Variants in SPMIP2 observed in about 807,000 individuals in gnomAD.
SPMIP2 encodes the protein protein SPMIP2.
chr4:159,060,061 A>T, the SPMIP2 span, among the ~76,000 whole-genome samples: 3 of 152,198 alleles, frequency 2.0e-5, no homozygotes, highest in Non-Finnish European at 4.4e-5. Context: ...CTCCTGGCAT[A>T]CCTGACTGTT....
the SPMIP2 span, among the ~76,000 whole-genome samples, chr4:158,944,901 C>T: frequency 6.6e-6 from 1 of 152,176 alleles, no homozygotes; most frequent in Non-Finnish European, 1.5e-5. Flanking sequence ...ATGCCCTGCT[C>T]ACATCTATCT....
At chr4:158,936,673 C>T in the SPMIP2 span, among the ~76,000 whole-genome samples, 2 of 152,248 alleles carry the variant, frequency 1.3e-5, no homozygotes, top group Non-Finnish European at 2.9e-5. Flanking sequence ...GGAAGATTCA[C>T]AGGAAAACAA....
chr4:158,893,653 G>C, the SPMIP2 span: 1 of 1,529,604 alleles, frequency 6.5e-7, no homozygotes, highest in Non-Finnish European at 9.0e-7. Context: ...TTATACAGTA[G>C]TAGGCAGTTT....
the SPMIP2 span, among the ~76,000 whole-genome samples, chr4:158,999,148 G>T: frequency 0.31 from 45,167 of 147,370 alleles, 7,181 homozygotes; most frequent in South Asian, 0.44. Flanking sequence ...CTCTAGCTGG[G>T]AGACAGAGTG....
chr4:158,948,595 T>C, the SPMIP2 span, among the ~76,000 whole-genome samples: 1 of 151,926 alleles, frequency 6.6e-6, no homozygotes, highest in Non-Finnish European at 1.5e-5. Context: ...TGGTTTGTTT[T>C]TTTTTTTTTT....
At chr4:159,081,024 CTT>C in the SPMIP2 span, among the ~76,000 whole-genome samples, 3 of 145,040 alleles carry the variant, frequency 2.1e-5, no homozygotes, top group African/African-American at 7.6e-5. Flanking sequence ...TGCCCGGACT[CTT>C]TGTTTCTTTC....
the SPMIP2 span, among the ~76,000 whole-genome samples, chr4:158,941,935 T>C: frequency 6.6e-6 from 1 of 151,952 alleles, no homozygotes; most frequent in African/African-American, 2.4e-5. Flanking sequence ...TTGGAGGAGG[T>C]GATACTTGAA....
the SPMIP2 span, among the ~76,000 whole-genome samples, chr4:158,985,355 C>T: frequency 6.9e-6 from 1 of 145,772 alleles, no homozygotes; most frequent in Non-Finnish European, 1.5e-5. Context: ...GACCAATATC[C>T]TTGATGAACA....
chr4:158,904,351 G>T, the SPMIP2 span: 3 of 901,386 alleles, frequency 3.3e-6, no homozygotes, highest in African/African-American at 1.7e-5. Context: ...AGTTTTAAAT[G>T]ATAATCTATC....
the SPMIP2 span, among the ~76,000 whole-genome samples, chr4:158,936,193 A>T: frequency 6.6e-6 from 1 of 152,228 alleles, no homozygotes; most frequent in Non-Finnish European, 1.5e-5. Flanking sequence ...TAATTCTAAT[A>T]AGTGGCAAAA....
the SPMIP2 span, among the ~76,000 whole-genome samples, chr4:158,964,627 A>G: frequency 6.6e-6 from 1 of 152,190 alleles, no homozygotes; most frequent in Non-Finnish European, 1.5e-5. Context: ...TTGACTGGCT[A>G]TTTTAGCTTA....
chr4:158,976,894 T>C, the SPMIP2 span, among the ~76,000 whole-genome samples: 2 of 151,982 alleles, frequency 1.3e-5, no homozygotes, highest in Non-Finnish European at 1.5e-5. Context: ...TCTCTTGACC[T>C]TGTGATCCAC....
chr4:159,028,848 A>G, the SPMIP2 span, among the ~76,000 whole-genome samples: 5 of 152,286 alleles, frequency 3.3e-5, no homozygotes, highest in Admixed American at 1.3e-4. Context: ...GTAACCCAGC[A>G]CTTTGGGAGG....
chr4:158,983,130 G>A, the SPMIP2 span, among the ~76,000 whole-genome samples: 1 of 152,050 alleles, frequency 6.6e-6, no homozygotes, highest in Non-Finnish European at 1.5e-5. Flanking sequence ...AAAAGGAGAC[G>A]AACAAAGCCT....
At chr4:159,005,301 G>A in the SPMIP2 span, among the ~76,000 whole-genome samples, 10 of 150,686 alleles carry the variant, frequency 6.6e-5, no homozygotes, top group Non-Finnish European at 8.8e-5. Context: ...AAAATTAGCC[G>A]GGCATGGTGG....
At chr4:159,052,535 C>A in the SPMIP2 span, among the ~76,000 whole-genome samples, 1 of 152,170 alleles carries the variant, frequency 6.6e-6, no homozygotes. Context: ...GAACTTGATT[C>A]CCCTGAGGCT....
chr4:159,010,758 G>A, the SPMIP2 span, among the ~76,000 whole-genome samples: 4 of 152,092 alleles, frequency 2.6e-5, no homozygotes, highest in South Asian at 2.1e-4. Flanking sequence ...GCTAACCTCC[G>A]GGCACATCTC....
chr4:159,002,823 G>A, the SPMIP2 span, among the ~76,000 whole-genome samples: 1 of 151,844 alleles, frequency 6.6e-6, no homozygotes, highest in South Asian at 2.1e-4. Context: ...GTCCCTATGT[G>A]AAATGTATTT....
At chr4:158,948,233 T>C in the SPMIP2 span, among the ~76,000 whole-genome samples, 1 of 152,332 alleles carries the variant, frequency 6.6e-6, no homozygotes, top group South Asian at 2.1e-4. Flanking sequence ...GTTCCTGGAC[T>C]GGACTCCTTT....
Sources: allele counts gnomAD v4.1 joint callset (sites outside exome capture counted in the v4.1 genomes callset), GRCh38; gene constraint gnomAD v4.1.1; transcripts MANE v1.5; gene names NCBI Gene and HGNC (gene_info 2026-07-23, HGNC 2026-07-21).